SECISBP2: variants seen among roughly 807,000 people sequenced by gnomAD.
The protein encoded by SECISBP2 is SECIS binding protein 2, also known as selenocysteine insertion sequence-binding protein 2.
In SECISBP2, 96 loss-of-function variants were observed where a neutral mutation model predicts 98.2. That is an observed-to-expected ratio of 0.98 (90% CI 0.83 to 1.16). The LOEUF (loss-of-function observed/expected upper bound fraction) is 1.16, where lower values mean the gene tolerates loss of function less well. SECISBP2 is among the 50% of genes most tolerant of loss of function. The pLI is 0.00. For missense variants in SECISBP2, 1,046 were observed against 1,022.9 expected (o/e 1.02, Z -0.31); for synonymous variants, 407 against 370.2 (o/e 1.10, Z -1.14).
At chr9:89,342,692 C>G (rs912591727) in intron 10 of SECISBP2, among the ~76,000 whole-genome samples, 1 of 152,106 alleles carries the variant, frequency 6.6e-6, no homozygotes, top group Non-Finnish European at 1.5e-5. Context: ...CTGTGTGATT[C>G]CACCTAAAAG....
chr9:89,354,853 T>C, intron 14 of SECISBP2: 1 of 985,414 alleles, frequency 1.0e-6, no homozygotes, highest in Non-Finnish European at 1.2e-6. Context: ...CATCTGATGT[T>C]ACGGGGGACT....
rs533253262 is a variant in SECISBP2 at position 89,358,072 on chromosome 9, A to G, written c.2342A>G (p.Gln781Arg). ...QAYKTMLENV[Q>R]QELVGEPRPQ... is the part of the protein sequence containing the mutation. ...TACAAGACCATGCTGGAGAATGTGC[A>G]GCAGGAGCTGGTGGGAGAGCCCAGG... Residue 781 changes from glutamine to arginine, a missense_variant, in exon 16 of 17, where the codon CAG becomes CGG. Coordinates refer to ENST00000375807, the MANE Select transcript of SECISBP2 (RefSeq NM_024077.5). 1.2e-5 allele frequency: 19 copies of G among 1,613,734 alleles called. No homozygotes were observed. Among genetic ancestry groups the G allele is most frequent in the Non-Finnish European group, 1.5e-5 (18 of 1,180,028 alleles).
chr9:89,355,915 T>C (rs1013648465), intron 14 of SECISBP2, among the ~76,000 whole-genome samples: 2 of 152,342 alleles, frequency 1.3e-5, no homozygotes, highest in Non-Finnish European at 2.9e-5. Context: ...ATCACCTTGT[T>C]TACACTATGG....
downstream of SECISBP2, chr9:89,362,471 G>A (rs776157437): frequency 2.0e-5 from 32 of 1,613,824 alleles, no homozygotes; most frequent in Admixed American, 3.3e-5. Context: ...TGGAACGGAT[G>A]GGCCTTTCCT....
At position 89,341,375 on chromosome 9, in the gene SECISBP2, G is replaced by A. The variant is rs201373985; in HGVS notation, c.1331G>A (p.Ser444Asn). 12 of 1,613,614 alleles carry A rather than the reference G, an allele frequency of 7.4e-6. No individual in the cohort carries two copies. The highest frequency in any genetic ancestry group is 1.0e-5 in the Non-Finnish European group (12 of 1,179,728). ...QDNFKNNVKK[S>N]QLPVQLDLGG... Reference sequence around the variant, plus strand: ...AATTTTAAAAATAATGTAAAGAAGAGCCAGCTTCCAGTGCAGTTGGACTTG... The same window carrying A: ...AATTTTAAAAATAATGTAAAGAAGAACCAGCTTCCAGTGCAGTTGGACTTG... Residue 444 changes from serine to asparagine, a missense_variant, in exon 10 of 17, where the codon AGC (serine) becomes AAC (asparagine). Physicochemically the swap from Ser to Asn is conservative, Grantham distance 46 (BLOSUM62 1). Coordinates refer to ENST00000375807, the MANE Select transcript of SECISBP2 (RefSeq NM_024077.5).
chr9:89,325,867 T>C, intron 3 of SECISBP2, 30 bp from the exon 4 acceptor site: 1 of 1,613,322 alleles, frequency 6.2e-7, no homozygotes, highest in East Asian at 2.2e-5. Context: ...GGTGGTTTTA[T>C]TTCATGTTGC....
intron 6 of SECISBP2, 49 bp from the exon 7 acceptor site, chr9:89,334,473 T>C (rs1214827535): frequency 6.7e-7 from 1 of 1,488,480 alleles, no homozygotes; most frequent in South Asian, 1.1e-5. Flanking sequence ...CTAAGGAATT[T>C]CTATTTTACT....
At chr9:89,354,638 C>A in intron 14 of SECISBP2, 1 of 223,214 alleles carries the variant, frequency 4.5e-6, no homozygotes, top group Non-Finnish European at 7.5e-6. Context: ...CAGTGAGTTA[C>A]TCTTACCAGT....
Position 89,319,800 on chromosome 9 carries a change from A to G in SECISBP2, c.182+3A>G, listed in dbSNP as rs370947218. ...GTTCAGGAACCACCAGTGACAGAGT[A>G]TGTATCTTTCTAAAAGTCTTACCTA... On this transcript the variant is annotated splice_donor_region_variant and intron_variant, in intron 2 of 16. Coordinates refer to ENST00000375807, the MANE Select transcript of SECISBP2 (RefSeq NM_024077.5). The G allele has an allele frequency of 6.2e-7, 1 of 1,613,726 alleles. No individual in the cohort carries two copies. The highest frequency in any genetic ancestry group is 8.5e-7 in the Non-Finnish European group (1 of 1,179,856).
At chr9:89,334,440 T>G in intron 6 of SECISBP2, 82 bp from the exon 7 acceptor site, 1 of 1,114,152 alleles carries the variant, frequency 9.0e-7, no homozygotes, top group Non-Finnish European at 1.4e-6. Context: ...AGCAGTTACC[T>G]CATGTAATGC....
At chr9:89,351,275 GTT>G (rs1831247636) in intron 14 of SECISBP2, among the ~76,000 whole-genome samples, 1 of 152,216 alleles carries the variant, frequency 6.6e-6, no homozygotes, top group Admixed American at 6.5e-5. Flanking sequence ...CTGTTTGCTT[GTT>G]ACAGATGTGG....
intron 5 of SECISBP2, 133 bp downstream of exon 5, chr9:89,329,019 T>G: frequency 1.4e-6 from 1 of 737,328 alleles, no homozygotes; most frequent in East Asian, 2.7e-5. Flanking sequence ...GGGGGAAGCC[T>G]TTCATTGTGC....
chr9:89,355,526 T>C, intron 14 of SECISBP2: 1 of 975,908 alleles, frequency 1.0e-6, no homozygotes, highest in African/African-American at 1.7e-5. Flanking sequence ...TTTGTACCTT[T>C]TTTATAAGTT....
Position 89,349,874 on chromosome 9 carries a change from C to A in SECISBP2, c.1837C>A (p.His613Asn). ...TELQRDTEAS[H>N]LAPNHTTFPK... is the part of the protein sequence containing the mutation. Reference sequence around the variant, plus strand: ...GCTCCAGAGGGACACAGAGGCCTCCCACCTTGCTCCCAATCACACCACCTT... The same window carrying A: ...GCTCCAGAGGGACACAGAGGCCTCCAACCTTGCTCCCAATCACACCACCTT... The change falls in exon 13 of 17, where the codon CAC becomes AAC. Residue 613 changes from histidine to asparagine, a missense_variant. Transcript: ENST00000375807. 1 of 1,614,228 alleles carries A rather than the reference C, an allele frequency of 6.2e-7. No homozygotes were observed. The highest frequency in any genetic ancestry group is 1.1e-5 in the South Asian group (1 of 91,074).
chr9:89,330,335 G>A (rs1827536234), intron 5 of SECISBP2: 2 of 152,212 alleles, frequency 1.3e-5, no homozygotes, highest in South Asian at 2.1e-4. Flanking sequence ...AGACTTCCAG[G>A]AAGAAATAGT....
intron 9 of SECISBP2, 51 bp downstream of exon 9, chr9:89,340,004 T>A: frequency 7.6e-7 from 1 of 1,316,520 alleles, no homozygotes; most frequent in Non-Finnish European, 1.1e-6. Flanking sequence ...CTCTTCTGGC[T>A]CAACTAAATG....
intron 7 of SECISBP2, among the ~76,000 whole-genome samples, chr9:89,337,739 C>A (rs1225098085): frequency 2.0e-5 from 3 of 152,210 alleles, no homozygotes; most frequent in Non-Finnish European, 4.4e-5. Context: ...ACAAAAAGTT[C>A]CCTGCCCTTT....
Position 89,328,831 on chromosome 9 carries a change from C to T in SECISBP2, c.746C>T (p.Ser249Phe). ...AAGTGGGGACCTGTCCACTCTGTCT[C>T]TACCGACATTTCTCTTCTAAGAGAA... is the stretch of plus-strand genomic sequence containing the variant. ...QPKWGPVHSV[S>F]TDISLLREVV... is the part of the protein sequence containing the mutation. Residue 249 changes from serine to phenylalanine, a missense_variant, in exon 5 of 17, where the codon TCT (serine) becomes TTT (phenylalanine). Physicochemically the swap from Ser to Phe is radical, Grantham distance 155. Coordinates refer to ENST00000375807, the MANE Select transcript of SECISBP2 (RefSeq NM_024077.5). 1.2e-6 allele frequency: 2 copies of T among 1,614,212 alleles called. No homozygotes were observed. The highest frequency in any genetic ancestry group is 1.7e-6 in the Non-Finnish European group (2 of 1,180,030).
intron 11 of SECISBP2, 127 bp downstream of exon 11, chr9:89,347,175 C>A: frequency 1.1e-6 from 1 of 942,324 alleles, no homozygotes; most frequent in Non-Finnish European, 1.7e-6. Context: ...TGTAGTAAAA[C>A]GTGTTAATGA....
Sources: allele counts gnomAD v4.1 joint callset (sites outside exome capture counted in the v4.1 genomes callset), GRCh38; gene constraint gnomAD v4.1.1; transcripts MANE v1.5; gene names NCBI Gene and HGNC (gene_info 2026-07-23, HGNC 2026-07-21).